The following DYNC2H1 variants were observed in gnomAD, a reference collection of about 807,000 sequenced individuals.
The protein encoded by DYNC2H1 is dynein cytoplasmic 2 heavy chain 1, also known as cytoplasmic dynein 2 heavy chain 1.
DYNC2H1 carries 410 observed loss-of-function variants against 570.0 expected under a neutral mutation model. The ratio of observed to expected loss-of-function variants is 0.72; its 90% CI spans 0.66 to 0.78. The LOEUF is 0.78. Ranked by LOEUF, DYNC2H1 falls within the 30% of genes least tolerant of loss-of-function variation. The pLI is 0.00. For synonymous variants in DYNC2H1, 1,688 were observed against 1,677.6 expected (o/e 1.01, Z -0.15); for missense variants, 4,865 against 5,046.4 (o/e 0.96, Z 1.09).
chr11:103,421,881 TAGAAAAAAA>T (rs1943500332), intron 84 of DYNC2H1, among the ~76,000 whole-genome samples: 1 of 145,258 alleles, frequency 6.9e-6, no homozygotes. Context: ...AAAAAGCCTT[TAGAAAAAAA>T]TCAAAGAATC....
chr11:103,235,243 T>G (rs945964938), intron 61 of DYNC2H1, among the ~76,000 whole-genome samples: 1 of 151,924 alleles, frequency 6.6e-6, no homozygotes, highest in African/African-American at 2.4e-5. Flanking sequence ...CTTCTTTCCT[T>G]TAATATAACT....
At chr11:103,222,230 C>T (rs531406049) in intron 58 of DYNC2H1, 77 bp downstream of exon 58, 3 of 1,025,446 alleles carry the variant, frequency 2.9e-6, no homozygotes, top group African/African-American at 3.3e-5. Flanking sequence ...GGTGCTTTGT[C>T]ATTGCCAACT....
chr11:103,311,850 A>G, intron 78 of DYNC2H1, 28 bp from the exon 79 acceptor site: 1 of 1,580,746 alleles, frequency 6.3e-7, no homozygotes, highest in South Asian at 1.2e-5. Context: ...GATTTTAGCA[A>G]TAGGATGTCT....
At position 103,321,243 on chromosome 11, in the gene DYNC2H1, T is replaced by TA; in HGVS notation, c.11934+10dup. 6.3e-7 allele frequency: 1 copy of TA among 1,597,206 alleles called. No homozygotes were observed. Among genetic ancestry groups the TA allele is most frequent in the Non-Finnish European group, 8.5e-7 (1 of 1,169,722 alleles). ...CACAATCCTGCAGCATTTTGGTAGGTAAAATGAATGATTTTCAATCTATTT... is the reference window on the plus strand; with the variant it reads ...CACAATCCTGCAGCATTTTGGTAGGTAAAAATGAATGATTTTCAATCTATTT... On this transcript the variant is annotated splice_region_variant and intron_variant, in intron 81 of 88. Transcript: ENST00000375735.
intron 82 of DYNC2H1, among the ~76,000 whole-genome samples, chr11:103,327,605 A>C (rs1001629957): frequency 2.0e-5 from 3 of 152,140 alleles, no homozygotes; most frequent in Non-Finnish European, 4.4e-5. Context: ...GTTTGGATCA[A>C]TTATCTAATG....
At chr11:103,121,775 A>C (rs1036755710) in intron 10 of DYNC2H1, among the ~76,000 whole-genome samples, 1 of 152,164 alleles carries the variant, frequency 6.6e-6, no homozygotes, top group Non-Finnish European at 1.5e-5. Context: ...GCTGAGTAAA[A>C]AAAAGAAAAA....
At chr11:103,114,648 A>C (rs1858286152) in intron 3 of DYNC2H1, among the ~76,000 whole-genome samples, 1 of 152,208 alleles carries the variant, frequency 6.6e-6, no homozygotes, top group Admixed American at 6.5e-5. Flanking sequence ...ATTAGTGAAT[A>C]TTGAACCTTT....
chr11:103,478,103 T>G (rs570742644), intron 88 of DYNC2H1, among the ~76,000 whole-genome samples: 7 of 152,240 alleles, frequency 4.6e-5, no homozygotes, highest in African/African-American at 1.7e-4. Flanking sequence ...ACCAATGCAG[T>G]AGCGATTGCA....
At chr11:103,414,695 A>G (rs911865415) in intron 84 of DYNC2H1, among the ~76,000 whole-genome samples, 2 of 152,204 alleles carry the variant, frequency 1.3e-5, no homozygotes, top group Non-Finnish European at 2.9e-5. Context: ...TTCAGGATTC[A>G]AAATCAGTGT....
In DYNC2H1 at chr11:103,121,767, T is replaced by C. The variant is rs77109379; in HGVS notation, c.1485+271T>C. Among the ~76,000 whole-genome samples, 3,700 of 152,154 alleles carry C rather than the reference T, an allele frequency of 0.024. 172 individuals carry two copies. The highest frequency in any genetic ancestry group is 0.084 in the African/African-American group (3,496 of 41,492). ...TTCAGGAGGAAAACATCCTTTATGCTGAGTAAAAAAAAGAAAAATTATTGT... is the reference window on the plus strand; with the variant it reads ...TTCAGGAGGAAAACATCCTTTATGCCGAGTAAAAAAAAGAAAAATTATTGT... On this transcript the variant is annotated intron_variant, in intron 10 of 88. Transcript: ENST00000375735.
chr11:103,272,522 T>G (rs893806128), intron 70 of DYNC2H1, among the ~76,000 whole-genome samples: 5 of 152,240 alleles, frequency 3.3e-5, no homozygotes, highest in African/African-American at 1.2e-4. Flanking sequence ...TGTATACATA[T>G]GTAGCAAACC....
chr11:103,288,854 C>G lies in DYNC2H1; in HGVS notation c.11095+1249C>G, dbSNP rs184943651. ...AGATATCATACCGCTGCACTCCAGC[C>G]TGGGCAACAGAGCAAGACTCAATCT... On this transcript the variant is annotated intron_variant, in intron 75 of 88. Coordinates refer to ENST00000375735, the MANE Select transcript of DYNC2H1 (RefSeq NM_001377.3). 3.2e-3 allele frequency among the ~76,000 whole-genome samples: 457 copies of G among 144,056 alleles called. 1 individual carries two copies. The highest frequency in any genetic ancestry group is 5.0e-3 in the Non-Finnish European group (335 of 66,770). The allele number at this position is 144,056 out of a possible 152,430, so 94.5% of individuals were successfully genotyped here. A position where few individuals can be genotyped will look rare whatever the true frequency, so the allele number is the denominator to read the frequency against.
At chr11:103,202,802 T>C (rs12362808) in intron 50 of DYNC2H1, among the ~76,000 whole-genome samples, 2,893 of 152,306 alleles carry the variant, frequency 0.019, 41 homozygotes, top group Non-Finnish European at 0.028. Context: ...ATGCCTCTTA[T>C]ATGCAGGACC....
intron 85 of DYNC2H1, among the ~76,000 whole-genome samples, chr11:103,450,389 G>A (rs1338383469): frequency 6.6e-6 from 1 of 152,162 alleles, no homozygotes; most frequent in Non-Finnish European, 1.5e-5. Flanking sequence ...AGCAGAATGC[G>A]CATTCAAGTG....
intron 13 of DYNC2H1, among the ~76,000 whole-genome samples, chr11:103,130,809 T>C (rs1053469313): frequency 1.3e-5 from 2 of 152,194 alleles, no homozygotes; most frequent in African/African-American, 4.8e-5. Flanking sequence ...AGGAAACTTA[T>C]TTTGTAAAAT....
intron 1 of DYNC2H1, 33 bp downstream of exon 1, chr11:103,109,802 ACCACTCTTCAAGTCCCCAGG>A (rs1858024029): frequency 6.3e-7 from 1 of 1,589,530 alleles, no homozygotes; most frequent in Non-Finnish European, 8.6e-7. Flanking sequence ...CTGACCCCTG[ACCACTCTTCAAGTCCCCAGG>A]CCCAGCCAGA....
chr11:103,466,324 A>G (rs1258809159), intron 87 of DYNC2H1, among the ~76,000 whole-genome samples: 3 of 152,244 alleles, frequency 2.0e-5, no homozygotes, highest in Non-Finnish European at 4.4e-5. Context: ...TAAAACTGAA[A>G]GAGAAGACTT....
chr11:103,212,160 C>T (rs531350631), intron 54 of DYNC2H1, among the ~76,000 whole-genome samples: 37 of 152,022 alleles, frequency 2.4e-4, no homozygotes, highest in African/African-American at 8.2e-4. Context: ...TTCTTTTCTT[C>T]GCTGGTTGGC....
intron 36 of DYNC2H1, among the ~76,000 whole-genome samples, chr11:103,175,160 C>T (rs2134984516): frequency 6.6e-6 from 1 of 152,138 alleles, no homozygotes; most frequent in African/African-American, 2.4e-5. Flanking sequence ...TCATGAAAGG[C>T]TGAATAATCA....
Sources: allele counts gnomAD v4.1 joint callset (sites outside exome capture counted in the v4.1 genomes callset), GRCh38; gene constraint gnomAD v4.1.1; transcripts MANE v1.5; gene names NCBI Gene and HGNC (gene_info 2026-07-23, HGNC 2026-07-21).